Variants in PHEX observed in about 807,000 individuals in gnomAD.
PHEX encodes phosphate-regulating neutral endopeptidase PHEX.
Under a neutral mutation model 68.0 loss-of-function variants are expected in PHEX, and 16 were observed. The observed-to-expected ratio is 0.24, with a 90% confidence interval of 0.16 to 0.36. The LOEUF is 0.36. Among genes scored for constraint, PHEX ranks in the 10% least tolerant of loss-of-function variants. The pLI is 1.00. For missense variants in PHEX, 480 were observed against 575.5 expected (o/e 0.83, Z 1.70); for synonymous variants, 208 against 205.1 (o/e 1.01, Z -0.12).
At chrX:22,177,387 A>G (rs984558796) in intron 13 of PHEX, among the ~76,000 whole-genome samples, 3 of 111,406 alleles carry the variant, frequency 2.7e-5, no homozygotes, top group African/African-American at 9.8e-5. Context: ...ATAGTAATAT[A>G]TTTAAAAACC....
chrX:22,035,999 TAC>T (rs767503875), intron 1 of PHEX, among the ~76,000 whole-genome samples: 1,050 of 76,730 alleles, frequency 0.014, 16 homozygotes, highest in East Asian at 0.046. Context: ...TAATTAATTA[TAC>T]ACACACACAC....
chrX:22,090,982 C>T (rs1229060689), intron 6 of PHEX, among the ~76,000 whole-genome samples: 4 of 111,448 alleles, frequency 3.6e-5, no homozygotes, highest in African/African-American at 1.3e-4. Context: ...AACAGGTGTT[C>T]CAGGTTAATG....
chrX:22,052,476 C>T (rs1386834610), intron 3 of PHEX, among the ~76,000 whole-genome samples: 1 of 111,930 alleles, frequency 8.9e-6, no homozygotes, highest in Non-Finnish European at 1.9e-5. Flanking sequence ...GATCCGCCTG[C>T]CTCAGCCTCC....
chrX:22,245,424 G>C lies in PHEX; in HGVS notation c.2147+15G>C, dbSNP rs1936364025. On this transcript the variant is annotated intron_variant, in intron 21 of 21. Transcript: ENST00000379374. ...CCTCAGTTTAGGTAAATGGGCAAATGGGTGACGGCAGTTTTTAACTGTACA... is the reference window on the plus strand; with the variant it reads ...CCTCAGTTTAGGTAAATGGGCAAATCGGTGACGGCAGTTTTTAACTGTACA... 8.9e-7 allele frequency: 1 copy of C among 1,127,896 alleles called. No individual in the cohort carries two copies. The highest frequency in any genetic ancestry group is 1.8e-5 in the South Asian group (1 of 54,900). The allele number at this position is 1,127,896 out of a possible 1,213,427, so 93.0% of individuals were successfully genotyped here. A position where few individuals can be genotyped will look rare whatever the true frequency, so the allele number is the denominator to read the frequency against.
At chrX:22,179,683 A>C (rs66920804) in intron 14 of PHEX, among the ~76,000 whole-genome samples, 22,038 of 110,531 alleles carry the variant, frequency 0.2, 1,957 homozygotes, top group Non-Finnish European at 0.28. Flanking sequence ...ACAACTTCGG[A>C]ATTTCCGTTT....
intron 11 of PHEX, among the ~76,000 whole-genome samples, chrX:22,132,890 G>GT (rs1466804638): frequency 2.8e-5 from 3 of 107,577 alleles, no homozygotes; most frequent in Non-Finnish European, 3.9e-5. Flanking sequence ...TTTTTTTAAT[G>GT]TTTTTTATTT....
chrX:22,219,041 T>G lies in PHEX; in HGVS notation c.1706T>G (p.Leu569Arg). 1.7e-6 allele frequency: 2 copies of G among 1,158,380 alleles called. No individual in the cohort carries two copies. The highest frequency in any genetic ancestry group is 2.4e-6 in the Non-Finnish European group (2 of 846,815). ...ATTATGTATTAATGCCATAGATCTCTGAGTTATGGTGCTATAGGAGTAATT... is the reference window on the plus strand; with the variant it reads ...ATTATGTATTAATGCCATAGATCTCGGAGTTATGGTGCTATAGGAGTAATT... ...FFWGTEYPRS[L>R]SYGAIGVIVG... is the part of the protein sequence containing the mutation. Residue 569 changes from leucine (L) to arginine (R), a missense_variant, in exon 17 of 22, where the codon CTG (leucine) becomes CGG (arginine). Leu to Arg is a moderately radical substitution (Grantham distance 102). Transcript: ENST00000379374.
intron 9 of PHEX, among the ~76,000 whole-genome samples, chrX:22,105,625 A>T (rs1321155703): frequency 8.9e-6 from 1 of 111,831 alleles, no homozygotes; most frequent in East Asian, 2.8e-4. Flanking sequence ...GAGCAAATGC[A>T]AGTTCTGGAA....
At position 22,055,174 on chromosome X, in the gene PHEX, C is replaced by CAAAAAAAAAAAAAAAAA. The variant is rs111628195; in HGVS notation, c.349+7988_349+8004dup. Among the ~76,000 whole-genome samples, 102 of 66,062 alleles carry CAAAAAAAAAAAAAAAAA rather than the reference C, an allele frequency of 1.5e-3. 4 individuals carry two copies. The highest frequency in any genetic ancestry group is 1.9e-3 in the Non-Finnish European group (64 of 33,150). The allele number at this position is 66,062 out of a possible 115,157, so 57.4% of individuals were successfully genotyped here. A position where few individuals can be genotyped will look rare whatever the true frequency, so the allele number is the denominator to read the frequency against. ...CGGGCAACAGAGAGAGACTCCAGCT[C>CAAAAAAAAAAAAAAAAA]AAAAAAAAAAAAAAAAAAAAAAAAA... is the stretch of plus-strand genomic sequence containing the variant. On this transcript the variant is annotated intron_variant, in intron 3 of 21. Transcript: ENST00000379374.
At chrX:22,190,368 A>C in intron 14 of PHEX, 76 bp from the exon 15 acceptor site, 1 of 666,556 alleles carries the variant, frequency 1.5e-6, no homozygotes, top group Non-Finnish European at 2.5e-6. Context: ...AAACCCAGCC[A>C]TGCTGTGTTT....
In PHEX at chrX:22,099,033, G is replaced by A; in HGVS notation, c.961G>A (p.Val321Ile). The A allele has an allele frequency of 8.3e-7, 1 of 1,209,151 alleles. No individual in the cohort carries two copies. The highest frequency in any genetic ancestry group is 1.1e-6 in the Non-Finnish European group (1 of 893,802). Reference sequence around the variant, plus strand: ...CGACTGGCTGGGCTACATCAAGAAGGTCATTGACACCAGACTCTACCCCCA... The same window carrying A: ...CGACTGGCTGGGCTACATCAAGAAGATCATTGACACCAGACTCTACCCCCA... ...QFDWLGYIKK[V>I]IDTRLYPHLK... is the part of the protein sequence containing the mutation. Residue 321 changes from valine to isoleucine, a missense_variant, in exon 9 of 22, where the codon GTC becomes ATC. Physicochemically the swap from Val to Ile is conservative, Grantham distance 29. Coordinates refer to ENST00000379374, the MANE Select transcript of PHEX (RefSeq NM_000444.6).
chrX:22,244,574 C>T (rs769880465), intron 20 of PHEX, among the ~76,000 whole-genome samples: 2 of 111,187 alleles, frequency 1.8e-5, no homozygotes, highest in Admixed American at 9.6e-5. Flanking sequence ...TGCACTCCAG[C>T]CTGGGTGACG....
At chrX:22,112,399 G>A (rs1234715609) in intron 10 of PHEX, among the ~76,000 whole-genome samples, 1 of 112,003 alleles carries the variant, frequency 8.9e-6, no homozygotes, top group Non-Finnish European at 1.9e-5. Context: ...ACCACTAGAG[G>A]CCGTAAGGAT....
chrX:22,204,911 G>A (rs944011672), intron 15 of PHEX, among the ~76,000 whole-genome samples: 6 of 110,674 alleles, frequency 5.4e-5, no homozygotes, highest in Non-Finnish European at 1.1e-4. Flanking sequence ...ACACACTTAA[G>A]GCTTTTGAAA....
intron 3 of PHEX, among the ~76,000 whole-genome samples, chrX:22,061,610 A>T (rs892416448): frequency 9.0e-6 from 1 of 111,314 alleles, no homozygotes; most frequent in Non-Finnish European, 1.9e-5. Context: ...TGGACTCTGA[A>T]CTGAGCTCCC....
At chrX:22,137,950 A>G in intron 12 of PHEX, among the ~76,000 whole-genome samples, 1 of 111,870 alleles carries the variant, frequency 8.9e-6, no homozygotes, top group Middle Eastern at 4.6e-3. Context: ...AGTTGATGGG[A>G]GTTGCTGTGT....
intron 12 of PHEX, among the ~76,000 whole-genome samples, chrX:22,153,225 GCC>G: frequency 9.0e-6 from 1 of 111,639 alleles, no homozygotes; most frequent in East Asian, 2.8e-4. Context: ...CTGGGCTCAA[GCC>G]CCCACCTTGG....
chrX:22,225,793 G>A (rs1001032955), intron 18 of PHEX, among the ~76,000 whole-genome samples: 1 of 112,375 alleles, frequency 8.9e-6, no homozygotes, highest in African/African-American at 3.2e-5. Context: ...GGCTGTATTA[G>A]TTTAGAATAT....
intron 12 of PHEX, among the ~76,000 whole-genome samples, chrX:22,152,632 C>A (rs1932873406): frequency 8.9e-6 from 1 of 111,864 alleles, no homozygotes; most frequent in Non-Finnish European, 1.9e-5. Flanking sequence ...TGGAAGAAGC[C>A]AGATACAAAA....
Sources: gnomAD v4.1 joint callset for allele counts (sites outside exome capture counted in the v4.1 genomes callset) on GRCh38, gnomAD v4.1.1 for gene constraint, MANE v1.5 for transcripts, NCBI Gene and HGNC (gene_info 2026-07-23, HGNC 2026-07-21) for gene names.